Variants in CAMK1D observed in about 807,000 individuals in gnomAD.
The protein encoded by CAMK1D is calcium/calmodulin dependent protein kinase ID.
CAMK1D carries 9 observed loss-of-function variants against 47.7 expected under a neutral mutation model. That is an observed-to-expected ratio of 0.19 (90% CI 0.11 to 0.33). The LOEUF (loss-of-function observed/expected upper bound fraction) is 0.33, where lower values mean the gene tolerates loss of function less well. Among genes scored for constraint, CAMK1D ranks in the 10% least tolerant of loss-of-function variants. The pLI, the probability that CAMK1D is intolerant of heterozygous loss-of-function variation, is 1.00. For synonymous variants in CAMK1D, 184 were observed against 184.9 expected, an observed-to-expected ratio of 0.99 and a Z score of 0.04; for missense variants, 291 against 488.7, an observed-to-expected ratio of 0.60 and a Z score of 3.81.
Position 12,407,850 on chromosome 10 carries a change from TTTTTTTTTTTTC to T in CAMK1D, c.92+57952_92+57963del, listed in dbSNP as rs1398840005. On this transcript the variant is annotated intron_variant, in intron 1 of 10. Coordinates refer to ENST00000619168, the MANE Select transcript of CAMK1D (RefSeq NM_153498.4). ...CCTCAAGGGTGTGATTGGCTGACTC[TTTTTTTTTTTTC>T]TTTTTTTTTTTTTGAGAGAGACTCT... 2.3e-3 allele frequency among the ~76,000 whole-genome samples: 243 copies of T among 105,064 alleles called. 2 individuals are homozygous for T. Among genetic ancestry groups the T allele is most frequent in the African/African-American group, 6.8e-3 (175 of 25,670 alleles). 68.9% of individuals were successfully genotyped at this position (105,064 alleles called of 152,430 possible). A position where few individuals can be genotyped will look rare whatever the true frequency, so the allele number is the denominator to read the frequency against.
chr10:12,797,765 G>A (rs942950768), intron 6 of CAMK1D, among the ~76,000 whole-genome samples: 3 of 152,148 alleles, frequency 2.0e-5, no homozygotes, highest in Non-Finnish European at 4.4e-5. Flanking sequence ...AATGCCACCT[G>A]TGGGTTGTGA....
chr10:12,616,415 C>T (rs143888300), intron 2 of CAMK1D, among the ~76,000 whole-genome samples: 46 of 152,302 alleles, frequency 3.0e-4, no homozygotes, highest in African/African-American at 1.1e-3. Flanking sequence ...ATTAAATCCT[C>T]GAATCAACCT....
chr10:12,394,667 A>G (rs1345381269), intron 1 of CAMK1D, among the ~76,000 whole-genome samples: 1 of 152,152 alleles, frequency 6.6e-6, no homozygotes, highest in African/African-American at 2.4e-5. Flanking sequence ...GTTGACATCA[A>G]GGGTGGGAGG....
intron 1 of CAMK1D, among the ~76,000 whole-genome samples, chr10:12,538,691 A>G (rs78850001): frequency 2.6e-5 from 4 of 152,108 alleles, no homozygotes; most frequent in Non-Finnish European, 4.4e-5. Flanking sequence ...GATTAGATGC[A>G]GAAGAGCATT....
rs1312456961 is a variant in CAMK1D at position 12,448,410 on chromosome 10, G to C, written c.92+98500G>C. Among the ~76,000 whole-genome samples the C allele has an allele frequency of 3.3e-5, 5 of 150,834 alleles. 1 individual carries two copies. Among genetic ancestry groups the C allele is most frequent in the African/African-American group, 1.2e-4 (5 of 40,942 alleles). ...TTTGTTTCTCTATATTGCCCAGGCT[G>C]ATCTTGAACTCCTGGCCTCAAGTGA... On this transcript the variant is annotated intron_variant, in intron 1 of 10. Transcript: ENST00000619168.
intron 1 of CAMK1D, among the ~76,000 whole-genome samples, chr10:12,373,147 ACT>A (rs1838051703): frequency 6.6e-6 from 1 of 151,868 alleles, no homozygotes; most frequent in African/African-American, 2.4e-5. Context: ...GGAAATTGGT[ACT>A]GTGTCCATGC....
intron 6 of CAMK1D, among the ~76,000 whole-genome samples, chr10:12,795,750 A>G (rs1252575177): frequency 1.3e-5 from 2 of 152,062 alleles, no homozygotes; most frequent in African/African-American, 2.4e-5. Flanking sequence ...TTTATCTACT[A>G]TTCATCATTT....
intron 3 of CAMK1D, among the ~76,000 whole-genome samples, chr10:12,742,796 G>A (rs1835492717): frequency 6.6e-6 from 1 of 152,092 alleles, no homozygotes; most frequent in Non-Finnish European, 1.5e-5. Flanking sequence ...GTGTTAAGTG[G>A]TTTATTCCCC....
At chr10:12,461,873 G>T (rs1833436539) in intron 1 of CAMK1D, among the ~76,000 whole-genome samples, 3 of 152,090 alleles carry the variant, frequency 2.0e-5, no homozygotes, top group Admixed American at 6.6e-5. Flanking sequence ...GAGGAAGTTT[G>T]TTGCTCATCA....
intron 2 of CAMK1D, among the ~76,000 whole-genome samples, chr10:12,614,420 TATG>T (rs1163047770): frequency 6.6e-6 from 1 of 152,222 alleles, no homozygotes; most frequent in Admixed American, 6.5e-5. Context: ...GCATCTCTCT[TATG>T]AAGTTAAAAT....
At chr10:12,543,796 T>C (rs1435953591) in intron 1 of CAMK1D, among the ~76,000 whole-genome samples, 1 of 152,184 alleles carries the variant, frequency 6.6e-6, no homozygotes, top group Non-Finnish European at 1.5e-5. Context: ...GGACCTCAGA[T>C]CGTTTCACTT....
chr10:12,805,445 A>C (rs758304600), intron 6 of CAMK1D, among the ~76,000 whole-genome samples: 1 of 142,818 alleles, frequency 7.0e-6, no homozygotes, highest in East Asian at 2.1e-4. Context: ...ATCTCAGCTC[A>C]CTGCAAACTC....
chr10:12,790,206 T>G (rs915981752), intron 5 of CAMK1D, among the ~76,000 whole-genome samples: 2 of 152,268 alleles, frequency 1.3e-5, no homozygotes, highest in African/African-American at 4.8e-5. Flanking sequence ...CAAGGTTGAA[T>G]TGCAGTTTTT....
intron 5 of CAMK1D, among the ~76,000 whole-genome samples, chr10:12,778,504 A>C (rs1837362820): frequency 6.6e-6 from 1 of 152,172 alleles, no homozygotes; most frequent in Admixed American, 6.5e-5. Context: ...TGCTAACACC[A>C]ACAGGTTCTG....
chr10:12,393,252 C>T (rs140653852), intron 1 of CAMK1D, among the ~76,000 whole-genome samples: 57 of 152,172 alleles, frequency 3.7e-4, no homozygotes, highest in African/African-American at 1.3e-3. Context: ...AGGATGGTCT[C>T]GATCTCCTGA....
intron 1 of CAMK1D, among the ~76,000 whole-genome samples, chr10:12,473,006 A>G (rs1357244821): frequency 1.3e-5 from 2 of 152,192 alleles, no homozygotes; most frequent in Non-Finnish European, 2.9e-5. Flanking sequence ...GCAGAAACAC[A>G]GAGGAAAGTG....
At chr10:12,542,696 A>G (rs1836235367) in intron 1 of CAMK1D, among the ~76,000 whole-genome samples, 1 of 152,226 alleles carries the variant, frequency 6.6e-6, no homozygotes, top group Non-Finnish European at 1.5e-5. Context: ...TTGTGATTAA[A>G]TTGCTCTTGT....
At chr10:12,703,125 T>C (rs1833588236) in intron 3 of CAMK1D, among the ~76,000 whole-genome samples, 1 of 152,180 alleles carries the variant, frequency 6.6e-6, no homozygotes, top group African/African-American at 2.4e-5. Flanking sequence ...GGAAGATAGC[T>C]AACTAGTTGT....
chr10:12,543,535 C>T (rs780241891), intron 1 of CAMK1D, among the ~76,000 whole-genome samples: 11 of 152,108 alleles, frequency 7.2e-5, no homozygotes, highest in Non-Finnish European at 1.3e-4. Flanking sequence ...CCAGCATAAG[C>T]TGAAGGTCTG....
Sources: gnomAD v4.1 joint callset for allele counts (sites outside exome capture counted in the v4.1 genomes callset) on GRCh38, gnomAD v4.1.1 for gene constraint, MANE v1.5 for transcripts, NCBI Gene and HGNC (gene_info 2026-07-23, HGNC 2026-07-21) for gene names.